Variants in SCAI observed in about 807,000 individuals in gnomAD.
SCAI encodes suppressor of cancer cell invasion, also known as protein SCAI.
SCAI carries 24 observed loss-of-function variants against 92.2 expected under a neutral mutation model. The observed-to-expected ratio is 0.26, with a 90% CI of 0.19 to 0.37. SCAI has a LOEUF of 0.37. SCAI is among the 10% of genes least tolerant of loss of function. The pLI, the probability that SCAI is intolerant of heterozygous loss-of-function variation, is 1.00. For missense variants in SCAI, 450 were observed against 736.2 expected, an observed-to-expected ratio of 0.61 and a Z score of 4.50; for synonymous variants, 261 against 258.6, an observed-to-expected ratio of 1.01 and a Z score of -0.09.
At chr9:124,957,552 A>C (rs1310352408) in intron 17 of SCAI, among the ~76,000 whole-genome samples, 1 of 129,440 alleles carries the variant, frequency 7.7e-6, no homozygotes, top group African/African-American at 3.0e-5. Flanking sequence ...TTGTATTTTT[A>C]GTAAAGATGA....
chr9:125,104,888 G>A (rs370822997), intron 2 of SCAI, among the ~76,000 whole-genome samples: 1 of 151,084 alleles, frequency 6.6e-6, no homozygotes, highest in Non-Finnish European at 1.5e-5. Context: ...AACCTGCAAG[G>A]TGGAGGTTCC....
chr9:125,085,211 G>A (rs1834302487), intron 2 of SCAI, among the ~76,000 whole-genome samples: 2 of 152,350 alleles, frequency 1.3e-5, no homozygotes, highest in Non-Finnish European at 2.9e-5. Context: ...TAACAGACGG[G>A]TGCGGTGGCT....
At chr9:125,130,571 T>C (rs1057083302) in intron 2 of SCAI, among the ~76,000 whole-genome samples, 13 of 152,082 alleles carry the variant, frequency 8.5e-5, no homozygotes, top group African/African-American at 3.1e-4. Context: ...TGGAGTGCAG[T>C]GGCACAATCT....
At chr9:125,108,084 T>A (rs1834842259) in intron 2 of SCAI, among the ~76,000 whole-genome samples, 1 of 152,276 alleles carries the variant, frequency 6.6e-6, no homozygotes, top group Admixed American at 6.5e-5. Context: ...TCTGCCAGCC[T>A]GGGCCTCCCG....
chr9:125,086,955 T>A lies in SCAI; in HGVS notation c.99-30948A>T, dbSNP rs140818525. Among the ~76,000 whole-genome samples the A allele has an allele frequency of 4.9e-3, 752 of 152,312 alleles. 13 individuals carry two copies. Among genetic ancestry groups the A allele is most frequent in the East Asian group, 0.036 (186 of 5,188 alleles). Reference sequence around the variant, plus strand: ...AGAGAGTCTGGCATACATTAAATGTTATGTAAGTAATACTGCCATTTAATT... The same window carrying A: ...AGAGAGTCTGGCATACATTAAATGTAATGTAAGTAATACTGCCATTTAATT... On this transcript the variant is annotated intron_variant, in intron 2 of 17. Coordinates refer to ENST00000336505, the MANE Select transcript of SCAI (RefSeq NM_001144877.3).
chr9:124,983,393 G>A (rs1186779306), intron 14 of SCAI, among the ~76,000 whole-genome samples: 1 of 152,010 alleles, frequency 6.6e-6, no homozygotes, highest in East Asian at 1.9e-4. Context: ...TCACTCTGTT[G>A]CCCAGGCTGG....
intron 17 of SCAI, among the ~76,000 whole-genome samples, chr9:124,955,146 C>T (rs1351698063): frequency 7.2e-6 from 1 of 139,744 alleles, no homozygotes; most frequent in African/African-American, 2.7e-5. Flanking sequence ...CCAGCCTAGG[C>T]GACAGAGCGA....
rs146072456 is a variant in SCAI at position 124,980,698 on chromosome 9, G to A, written c.1327-4512C>T. 1.6e-3 allele frequency among the ~76,000 whole-genome samples: 243 copies of A among 152,204 alleles called. 3 individuals carry two copies. The highest frequency in any genetic ancestry group is 4.5e-3 in the African/African-American group (188 of 41,532). On this transcript the variant is annotated intron_variant, in intron 14 of 17. Coordinates refer to ENST00000336505, the MANE Select transcript of SCAI (RefSeq NM_001144877.3). Reference sequence around the variant, plus strand: ...AATTAAGTGTATCCTGTGTGACTCCGCTGGAAGAGGGCCCCTGGAAGTTTG... The same window carrying A: ...AATTAAGTGTATCCTGTGTGACTCCACTGGAAGAGGGCCCCTGGAAGTTTG...
intron 2 of SCAI, chr9:125,142,375 T>C: frequency 2.9e-6 from 1 of 340,032 alleles, no homozygotes; most frequent in Non-Finnish European, 5.4e-6. Flanking sequence ...GCTGAGATCC[T>C]TACACAACAT....
intron 3 of SCAI, among the ~76,000 whole-genome samples, chr9:125,051,328 T>C (rs1489998047): frequency 1.3e-5 from 2 of 152,232 alleles, no homozygotes; most frequent in African/African-American, 4.8e-5. Flanking sequence ...CAGCCAATTA[T>C]ATCTTATTTA....
At chr9:124,971,888 A>G (rs755910994) in intron 15 of SCAI, 44 bp from the exon 16 acceptor site, 6 of 1,280,366 alleles carry the variant, frequency 4.7e-6, no homozygotes, top group Non-Finnish European at 6.4e-6. Flanking sequence ...TAGTTTTGCA[A>G]AAGATAAGAG....
At chr9:125,058,119 T>C (rs114335932) in intron 2 of SCAI, among the ~76,000 whole-genome samples, 3,503 of 152,162 alleles carry the variant, frequency 0.023, 142 homozygotes, top group African/African-American at 0.081. Context: ...AAAAATTCTT[T>C]TTTAAAAAAG....
intron 15 of SCAI, among the ~76,000 whole-genome samples, chr9:124,972,523 C>G (rs1374475639): frequency 1.3e-5 from 2 of 152,140 alleles, no homozygotes; most frequent in Non-Finnish European, 2.9e-5. Context: ...CTAATTTCAC[C>G]TGTTTCTTTT....
intron 2 of SCAI, among the ~76,000 whole-genome samples, chr9:125,123,019 C>T (rs759946692): frequency 6.6e-6 from 1 of 152,122 alleles, no homozygotes; most frequent in Non-Finnish European, 1.5e-5. Flanking sequence ...TTATTATCAC[C>T]AGCCAGGTGT....
chr9:124,969,261 T>C (rs1460036552), intron 17 of SCAI, among the ~76,000 whole-genome samples: 2 of 152,156 alleles, frequency 1.3e-5, no homozygotes, highest in African/African-American at 4.8e-5. Context: ...ACAGTTCTTT[T>C]ACATTTCAAA....
chr9:125,089,893 A>T (rs767185048), intron 2 of SCAI, among the ~76,000 whole-genome samples: 2 of 152,180 alleles, frequency 1.3e-5, no homozygotes, highest in Non-Finnish European at 2.9e-5. Flanking sequence ...TATTATTTTT[A>T]AAATAATGGA....
chr9:124,962,862 G>C (rs1349787628), intron 17 of SCAI, among the ~76,000 whole-genome samples: 5 of 149,632 alleles, frequency 3.3e-5, no homozygotes, highest in Non-Finnish European at 5.9e-5. Flanking sequence ...GCAGTCGCGC[G>C]ATCTTGGCTC....
intron 6 of SCAI, 61 bp downstream of exon 6, chr9:125,026,751 C>T: frequency 1.2e-6 from 1 of 864,980 alleles, no homozygotes; most frequent in South Asian, 1.7e-5. Context: ...CACACAATTT[C>T]TACGAAGATT....
chr9:125,108,067 C>T (rs889447650), intron 2 of SCAI, among the ~76,000 whole-genome samples: 14 of 152,238 alleles, frequency 9.2e-5, no homozygotes, highest in African/African-American at 2.2e-4. Flanking sequence ...CTCCTAACCG[C>T]GAGTGATCTG....
Sources: gnomAD v4.1 joint callset for allele counts (sites outside exome capture counted in the v4.1 genomes callset) on GRCh38, gnomAD v4.1.1 for gene constraint, MANE v1.5 for transcripts, NCBI Gene and HGNC (gene_info 2026-07-23, HGNC 2026-07-21) for gene names.